Variants in SMAD9 observed in about 807,000 individuals in gnomAD.
SMAD9 encodes MAD homolog 9.
In SMAD9, 36 loss-of-function variants were observed where a neutral mutation model predicts 46.1. The observed-to-expected ratio is 0.78, with a 90% CI of 0.60 to 1.03. The LOEUF (loss-of-function observed/expected upper bound fraction) is 1.03, where lower values mean the gene tolerates loss of function less well. SMAD9 is among the 50% of genes least tolerant of loss of function. The probability of loss-of-function intolerance (pLI) is 0.00; values close to 1 mark genes in which losing one functional copy is unlikely to be tolerated. For synonymous variants in SMAD9, 245 were observed against 237.1 expected, an observed-to-expected ratio of 1.03 and a Z score of -0.31; for missense variants, 572 against 599.8, an observed-to-expected ratio of 0.95 and a Z score of 0.48.
At chr13:36,863,543 T>A (rs746243357) in intron 5 of SMAD9, among the ~76,000 whole-genome samples, 38 of 152,144 alleles carry the variant, frequency 2.5e-4, no homozygotes, top group Non-Finnish European at 4.9e-4. Context: ...CCAAATCTCA[T>A]ATCGAAATCT....
rs2058384143 is a variant in SMAD9, at chr13:36,879,630, T to A, written c.60A>T (p.Arg20Ser). The A allele has an allele frequency of 1.2e-6, 2 of 1,614,024 alleles. No individual in the cohort carries two copies. The highest frequency in any genetic ancestry group is 3.3e-5 in the Admixed American group (2 of 60,004). ...CATCTCCTTGCTTCCAGCCTAGCAG[T>A]CTCTTCACTGCGGGGCTGGTGAAGG... ...LFSFTSPAVKRLLGWKQGDEE... is the reference protein window; with the variant it reads ...LFSFTSPAVKSLLGWKQGDEE... Residue 20 changes from arginine to serine, a missense_variant, in exon 2 of 7, where the codon AGA becomes AGT. Arg to Ser is a moderately radical substitution (Grantham distance 110). Transcript: ENST00000379826.
intron 4 of SMAD9, among the ~76,000 whole-genome samples, chr13:36,866,474 A>G (rs1291883934): frequency 6.6e-6 from 1 of 152,026 alleles, no homozygotes; most frequent in Non-Finnish European, 1.5e-5. Flanking sequence ...TTTCTTTGCC[A>G]CTCACACCCT....
At chr13:36,914,248 G>A (rs184637865) in intron 1 of SMAD9, among the ~76,000 whole-genome samples, 68 of 152,270 alleles carry the variant, frequency 4.5e-4, no homozygotes, top group Non-Finnish European at 6.9e-4. Flanking sequence ...GGCCAGGCGC[G>A]GTGGATCACG....
At chr13:36,910,014 G>A (rs906739750) in intron 1 of SMAD9, among the ~76,000 whole-genome samples, 27 of 151,390 alleles carry the variant, frequency 1.8e-4, no homozygotes, top group African/African-American at 4.9e-4. Context: ...TGGCTAACAC[G>A]GTGAAACCCC....
intron 1 of SMAD9, among the ~76,000 whole-genome samples, chr13:36,892,054 A>G (rs913187333): frequency 6.6e-6 from 1 of 152,234 alleles, no homozygotes; most frequent in Non-Finnish European, 1.5e-5. Context: ...GTACAAGACC[A>G]TGTTGAAATA....
At chr13:36,865,436 G>T in intron 5 of SMAD9, 101 bp downstream of exon 5, 1 of 940,836 alleles carries the variant, frequency 1.1e-6, no homozygotes, top group Non-Finnish European at 1.7e-6. Context: ...CCTTCCACAG[G>T]GGCACATGAC....
intron 1 of SMAD9, among the ~76,000 whole-genome samples, chr13:36,893,715 T>C (rs2138590538): frequency 6.6e-6 from 1 of 151,666 alleles, no homozygotes; most frequent in African/African-American, 2.4e-5. Context: ...TAAAAAGAAA[T>C]AAAAACTAAA....
At position 36,848,671 on chromosome 13, in the gene SMAD9, G is replaced by C; in HGVS notation, c.*5C>G. 2 of 1,613,950 alleles carry C rather than the reference G, an allele frequency of 1.2e-6. No homozygotes were observed. Among genetic ancestry groups the C allele is most frequent in the Non-Finnish European group, 8.5e-7 (1 of 1,179,796 alleles). ...CCTATGGAAATGCAGCTTAAGACATGACTGTTAAGACACTGAAGAAATGGG... is the reference window on the plus strand; with the variant it reads ...CCTATGGAAATGCAGCTTAAGACATCACTGTTAAGACACTGAAGAAATGGG... On this transcript the variant is annotated 3_prime_UTR_variant, in exon 7 of 7. Coordinates refer to ENST00000379826, the MANE Select transcript of SMAD9 (RefSeq NM_001127217.3).
Position 36,919,742 on chromosome 13 carries a change from G to C in SMAD9, c.-187+374C>G, listed in dbSNP as rs532894958. Among the ~76,000 whole-genome samples, 1,053 of 145,050 alleles carry C rather than the reference G, an allele frequency of 7.3e-3. 8 individuals are homozygous for C. The highest frequency in any genetic ancestry group is 0.025 in the African/African-American group (980 of 38,640). ...TCCCCTGACAGGTCCCGGGGCCCGC[G>C]GCGCGGGCGGATGCAGGCGCGAGGA... On this transcript the variant is annotated intron_variant, in intron 1 of 6. Coordinates refer to ENST00000379826, the MANE Select transcript of SMAD9 (RefSeq NM_001127217.3).
At chr13:36,914,379 C>T (rs936490721) in intron 1 of SMAD9, among the ~76,000 whole-genome samples, 5 of 152,142 alleles carry the variant, frequency 3.3e-5, no homozygotes, top group Non-Finnish European at 5.9e-5. Flanking sequence ...ATTAGCCGGG[C>T]GTGGTGGCAG....
chr13:36,877,529 T>G (rs1482938809), intron 2 of SMAD9, among the ~76,000 whole-genome samples: 1 of 152,236 alleles, frequency 6.6e-6, no homozygotes, highest in Non-Finnish European at 1.5e-5. Context: ...TTTTTCCATT[T>G]GGATATATTT....
intron 1 of SMAD9, among the ~76,000 whole-genome samples, chr13:36,892,334 A>G (rs182948901): frequency 6.6e-6 from 1 of 152,326 alleles, no homozygotes; most frequent in African/African-American, 2.4e-5. Flanking sequence ...GAGTCATGAA[A>G]CACAGCAAAA....
At chr13:36,857,549 G>T (rs1403279160) in intron 5 of SMAD9, among the ~76,000 whole-genome samples, 1 of 152,078 alleles carries the variant, frequency 6.6e-6, no homozygotes, top group Non-Finnish European at 1.5e-5. Context: ...AAGAACCTTG[G>T]GTTTAATTTG....
intron 5 of SMAD9, among the ~76,000 whole-genome samples, chr13:36,860,776 G>C (rs1054336002): frequency 1.3e-5 from 2 of 151,870 alleles, no homozygotes; most frequent in African/African-American, 4.8e-5. Flanking sequence ...TTAGATATTA[G>C]GTAATCAGTG....
chr13:36,856,376 T>C (rs1400435959), intron 5 of SMAD9, among the ~76,000 whole-genome samples: 2 of 152,198 alleles, frequency 1.3e-5, no homozygotes, highest in Non-Finnish European at 2.9e-5. Context: ...AGGGGTTGGT[T>C]TTCAATCCTG....
chr13:36,918,523 A>C (rs2058716182), intron 1 of SMAD9, among the ~76,000 whole-genome samples: 1 of 152,218 alleles, frequency 6.6e-6, no homozygotes, highest in Non-Finnish European at 1.5e-5. Flanking sequence ...TGTTTTTCGG[A>C]TACAGTACTT....
chr13:36,879,186 G>A, intron 2 of SMAD9, 92 bp downstream of exon 2: 1 of 1,124,476 alleles, frequency 8.9e-7, no homozygotes, highest in Non-Finnish European at 1.3e-6. Context: ...TTTGGGAGAG[G>A]TCCCTGTCTG....
chr13:36,856,174 G>C (rs2058122336), intron 5 of SMAD9, among the ~76,000 whole-genome samples: 1 of 152,168 alleles, frequency 6.6e-6, no homozygotes, highest in Non-Finnish European at 1.5e-5. Context: ...GGGCTCCAAA[G>C]GGGAAAGACC....
chr13:36,875,303 T>C (rs975567195), intron 2 of SMAD9, among the ~76,000 whole-genome samples: 2 of 152,234 alleles, frequency 1.3e-5, no homozygotes, highest in Non-Finnish European at 2.9e-5. Flanking sequence ...TTTGACACCA[T>C]ACATCTATCT....
Sources: gnomAD v4.1 joint callset for allele counts (sites outside exome capture counted in the v4.1 genomes callset) on GRCh38, gnomAD v4.1.1 for gene constraint, MANE v1.5 for transcripts, NCBI Gene and HGNC (gene_info 2026-07-23, HGNC 2026-07-21) for gene names.